RBFOX1: variants seen among roughly 807,000 people sequenced by gnomAD.
The protein encoded by RBFOX1 is RNA binding protein fox-1 homolog 1.
A neutral mutation model predicts 57.7 loss-of-function variants in RBFOX1; 8 were observed. The ratio of observed to expected loss-of-function variants is 0.14; its 90% CI spans 0.08 to 0.25. The LOEUF is 0.25. RBFOX1 is among the 10% of genes least tolerant of loss of function. RBFOX1 has a pLI of 1.00. For missense variants in RBFOX1, 611 were observed against 548.5 expected (o/e 1.11, Z -1.14); for synonymous variants, 326 against 222.4 (o/e 1.47, Z -4.15).
At chr16:7,693,302 T>A in intron 14 of RBFOX1, 1 of 1,612,950 alleles carries the variant, frequency 6.2e-7, no homozygotes, top group Non-Finnish European at 8.5e-7. Context: ...GTGAATTTTA[T>A]CTTCTCTTCC....
At chr16:6,803,473 G>C (rs1056433324) in intron 3 of RBFOX1, among the ~76,000 whole-genome samples, 9 of 152,254 alleles carry the variant, frequency 5.9e-5, no homozygotes, top group Middle Eastern at 3.4e-3. Flanking sequence ...CTTTCCTAGG[G>C]ACTGAAATTT....
intron 2 of RBFOX1, among the ~76,000 whole-genome samples, chr16:6,332,459 G>A (rs1158635760): frequency 6.6e-6 from 1 of 152,232 alleles, no homozygotes; most frequent in Non-Finnish European, 1.5e-5. Flanking sequence ...TACATTAATA[G>A]GCAAAACTAT....
intron 3 of RBFOX1, among the ~76,000 whole-genome samples, chr16:7,028,481 G>C (rs934944742): frequency 6.6e-6 from 1 of 151,662 alleles, no homozygotes; most frequent in Non-Finnish European, 1.5e-5. Flanking sequence ...CAGCTCCTTG[G>C]GAGGCTGAGG....
At chr16:6,495,431 G>T (rs1404141212) in intron 2 of RBFOX1, among the ~76,000 whole-genome samples, 2 of 150,362 alleles carry the variant, frequency 1.3e-5, no homozygotes. Flanking sequence ...GCGCCTGGCA[G>T]ACAGCCATCT....
At position 6,524,171 on chromosome 16, in the gene RBFOX1, T is replaced by TC. The variant is rs993128028; in HGVS notation, c.-63-130429dup. On this transcript the variant is annotated intron_variant, in intron 2 of 15. Transcript: ENST00000550418. Reference sequence around the variant, plus strand: ...TACCTTTCCCAGCCTCTGGTAACCATCCCTGTACTCTCTATCTCCGTGAGT... The same window carrying TC: ...TACCTTTCCCAGCCTCTGGTAACCATCCCCTGTACTCTCTATCTCCGTGAGT... Among the ~76,000 whole-genome samples the TC allele has an allele frequency of 5.9e-5, 9 of 152,294 alleles. No homozygotes were observed. The South Asian group carries it at 1.9e-3, about 32-fold the overall frequency.
intron 1 of RBFOX1, among the ~76,000 whole-genome samples, chr16:6,022,254 G>GTT (rs35357946): frequency 8.0e-5 from 12 of 149,396 alleles, no homozygotes; most frequent in African/African-American, 2.7e-4. Context: ...TAGCAAATCT[G>GTT]TTTTTTTTTT....
intron 2 of RBFOX1, among the ~76,000 whole-genome samples, chr16:6,582,913 T>C (rs987322284): frequency 6.6e-6 from 1 of 151,532 alleles, no homozygotes; most frequent in East Asian, 2.0e-4. Context: ...ATTACTATTA[T>C]TTGCAATTTT....
chr16:6,608,984 G>T (rs1021357679), intron 2 of RBFOX1, among the ~76,000 whole-genome samples: 1 of 152,102 alleles, frequency 6.6e-6, no homozygotes, highest in African/African-American at 2.4e-5. Context: ...GCCATGGCCA[G>T]GCAAGCCTTT....
chr16:6,601,638 C>T (rs992209439), intron 2 of RBFOX1, among the ~76,000 whole-genome samples: 2 of 152,134 alleles, frequency 1.3e-5, no homozygotes, highest in Admixed American at 6.5e-5. Flanking sequence ...CTAGCTCGCT[C>T]AGGAACTCTC....
intron 3 of RBFOX1, among the ~76,000 whole-genome samples, chr16:5,646,490 C>A (rs973748212): frequency 1.3e-5 from 2 of 152,130 alleles, no homozygotes; most frequent in African/African-American, 4.8e-5. Flanking sequence ...GTGAAAAATA[C>A]TGACTGTGAC....
At chr16:6,654,561 C>T (rs768551785) in intron 2 of RBFOX1, 42 bp from the exon 3 acceptor site, 1 of 1,452,608 alleles carries the variant, frequency 6.9e-7, no homozygotes, top group South Asian at 1.3e-5. Context: ...AGTCTGACTC[C>T]TGTTCTTTCT....
At chr16:5,359,892 T>G (rs892707255) in intron 1 of RBFOX1, among the ~76,000 whole-genome samples, 4 of 152,088 alleles carry the variant, frequency 2.6e-5, no homozygotes, top group African/African-American at 9.7e-5. Context: ...GTGCGTGATC[T>G]CTATGGGACT....
At chr16:6,651,638 A>G (rs2098596886) in intron 2 of RBFOX1, among the ~76,000 whole-genome samples, 1 of 152,168 alleles carries the variant, frequency 6.6e-6, no homozygotes, top group South Asian at 2.1e-4. Flanking sequence ...TGCTGTGGAA[A>G]ACGGTAGGGT....
At chr16:6,935,273 C>T (rs1597685785) in intron 3 of RBFOX1, among the ~76,000 whole-genome samples, 2 of 152,110 alleles carry the variant, frequency 1.3e-5, no homozygotes, top group South Asian at 2.1e-4. Context: ...TGGCATGTAG[C>T]AGATGTTCAG....
At position 5,930,087 on chromosome 16, in the gene RBFOX1, C is replaced by T. The variant is rs374464765; in HGVS notation, c.351+62752C>T. Among the ~76,000 whole-genome samples, 103 of 151,178 alleles carry T rather than the reference C, an allele frequency of 6.8e-4. 1 individual carries two copies. The highest frequency in any genetic ancestry group is 5.6e-4 in the Non-Finnish European group (38 of 67,828). On this transcript the variant is annotated intron_variant, in intron 4 of 19. Coordinates refer to the RBFOX1 transcript ENST00000641259. ...AGAATGGGGGCTGGGAGGGGGTTTGCGTTTGTGAAAGTTGAATGGAAGGAT... is the reference window on the plus strand; with the variant it reads ...AGAATGGGGGCTGGGAGGGGGTTTGTGTTTGTGAAAGTTGAATGGAAGGAT...
intron 3 of RBFOX1, among the ~76,000 whole-genome samples, chr16:6,842,154 A>AT (rs2093504140): frequency 1.5e-5 from 2 of 137,900 alleles, no homozygotes; most frequent in African/African-American, 2.8e-5. Context: ...AAAAAAAATA[A>AT]AAAATAAATA....
At chr16:7,515,145 G>A (rs1278872876) in intron 4 of RBFOX1, among the ~76,000 whole-genome samples, 5 of 152,090 alleles carry the variant, frequency 3.3e-5, no homozygotes, top group Non-Finnish European at 4.4e-5. Context: ...CATTTCTGGG[G>A]CTTTTCATCA....
At chr16:5,320,326 G>T (rs2064367651) in intron 1 of RBFOX1, among the ~76,000 whole-genome samples, 1 of 152,210 alleles carries the variant, frequency 6.6e-6, no homozygotes, top group African/African-American at 2.4e-5. Context: ...CAAAGGTGCA[G>T]AGTTGGGAAG....
intron 4 of RBFOX1, chr16:7,304,561 G>A (rs1482080392): frequency 3.0e-6 from 3 of 985,204 alleles, no homozygotes; most frequent in Admixed American, 6.1e-5. Flanking sequence ...ACTGGGCTGC[G>A]CTTCGGTGCC....
Sources: gnomAD v4.1 joint callset for allele counts (sites outside exome capture counted in the v4.1 genomes callset) on GRCh38, gnomAD v4.1.1 for gene constraint, MANE v1.5 for transcripts, NCBI Gene and HGNC (gene_info 2026-07-23, HGNC 2026-07-21) for gene names.